Variants in FAM53A observed in about 807,000 individuals in gnomAD.
The protein encoded by FAM53A is family with sequence similarity 53 member A.
Under a neutral mutation model 26.6 loss-of-function variants are expected in FAM53A, and 28 were observed. The ratio of observed to expected loss-of-function variants is 1.05; its 90% CI spans 0.78 to 1.45. FAM53A has a LOEUF of 1.45. FAM53A is among the 40% of genes most tolerant of loss of function. The pLI, the probability that FAM53A is intolerant of heterozygous loss-of-function variation, is 0.00. For synonymous variants in FAM53A, 290 were observed against 253.1 expected (o/e 1.15, Z -1.38); for missense variants, 650 against 575.8 (o/e 1.13, Z -1.32).
chr4:1,654,129 C>T (rs1409826447), intron 4 of FAM53A, among the ~76,000 whole-genome samples: 2 of 152,228 alleles, frequency 1.3e-5, no homozygotes, highest in African/African-American at 4.8e-5. Flanking sequence ...CAGCCCCACT[C>T]GGCCCTGGCT....
chr4:1,660,798 A>G (rs1235194791), intron 2 of FAM53A, among the ~76,000 whole-genome samples: 2 of 151,536 alleles, frequency 1.3e-5, no homozygotes, highest in East Asian at 3.9e-4. Context: ...CCGAGGCAGG[A>G]GAATGGCGTG....
At chr4:1,654,957 C>T in intron 4 of FAM53A, 21 bp downstream of exon 4, 2 of 1,501,930 alleles carry the variant, frequency 1.3e-6, no homozygotes, top group Non-Finnish European at 1.8e-6. Flanking sequence ...CTCTGAGCCC[C>T]TGGAAATAAG....
chr4:1,668,203 G>C lies in FAM53A; in HGVS notation c.75+464C>G, dbSNP rs374320766. 6.5e-3 allele frequency among the ~76,000 whole-genome samples: 989 copies of C among 151,804 alleles called. 12 individuals carry two copies. Among genetic ancestry groups the C allele is most frequent in the African/African-American group, 0.022 (929 of 41,408 alleles). ...GTCCCAGGCTGGAGTGCAGTGGAGCGATCTCGGCTCACTGCAAGCTCCGCC... is the reference window on the plus strand; with the variant it reads ...GTCCCAGGCTGGAGTGCAGTGGAGCCATCTCGGCTCACTGCAAGCTCCGCC... On this transcript the variant is annotated intron_variant, in intron 2 of 4. Transcript: ENST00000308132.
chr4:1,612,905 C>T, the FAM53A span, among the ~76,000 whole-genome samples: 2 of 152,202 alleles, frequency 1.3e-5, no homozygotes, highest in Admixed American at 6.5e-5. Flanking sequence ...CACACACATG[C>T]CAACACACAC....
At chr4:1,645,812 C>T (rs903511372) in intron 4 of FAM53A, among the ~76,000 whole-genome samples, 10 of 152,222 alleles carry the variant, frequency 6.6e-5, no homozygotes, top group Non-Finnish European at 1.5e-4. Context: ...TCCAGATTTT[C>T]GGTCTGCGCC....
chr4:1,669,282 C>T (rs975953721), intron 1 of FAM53A, among the ~76,000 whole-genome samples: 2 of 152,238 alleles, frequency 1.3e-5, no homozygotes, highest in African/African-American at 2.4e-5. Context: ...TGACTACCCA[C>T]CCCCTTCTGC....
At chr4:1,660,361 C>A (rs1713738004) in intron 2 of FAM53A, among the ~76,000 whole-genome samples, 1 of 150,678 alleles carries the variant, frequency 6.6e-6, no homozygotes, top group South Asian at 2.1e-4. Flanking sequence ...ACTGTGGGGG[C>A]TGAGGTGGGA....
downstream of FAM53A, among the ~76,000 whole-genome samples, chr4:1,617,483 T>G (rs1344080021): frequency 6.6e-6 from 1 of 152,168 alleles, no homozygotes. Flanking sequence ...CATAAACATT[T>G]CCTTTACATT....
chr4:1,611,485 C>T, the FAM53A span, among the ~76,000 whole-genome samples: 1 of 152,332 alleles, frequency 6.6e-6, no homozygotes, highest in Admixed American at 6.5e-5. Flanking sequence ...CCTGCACTGG[C>T]CCAGCTGGCA....
At chr4:1,662,960 C>T (rs1308032103) in intron 2 of FAM53A, among the ~76,000 whole-genome samples, 1 of 152,042 alleles carries the variant, frequency 6.6e-6, no homozygotes, top group East Asian at 1.9e-4. Flanking sequence ...TCTGGGGGGC[C>T]GAGGCAGGCG....
At chr4:1,637,374 C>T (rs530401983), downstream of FAM53A, among the ~76,000 whole-genome samples, 5 of 152,312 alleles carry the variant, frequency 3.3e-5, no homozygotes, top group East Asian at 9.7e-4. Flanking sequence ...TCTTCAGAGG[C>T]TCTGGGCAGG....
chr4:1,585,006 C>A, the FAM53A span, among the ~76,000 whole-genome samples: 1 of 152,072 alleles, frequency 6.6e-6, no homozygotes. Context: ...TATATGTTTA[C>A]TATGTACAAG....
At chr4:1,574,780 T>C in the FAM53A span, among the ~76,000 whole-genome samples, 5 of 152,212 alleles carry the variant, frequency 3.3e-5, no homozygotes, top group South Asian at 4.1e-4. Context: ...GGACGGCAGG[T>C]GGTCAGCGGG....
At chr4:1,660,474 A>G (rs539820226) in intron 2 of FAM53A, among the ~76,000 whole-genome samples, 3 of 151,886 alleles carry the variant, frequency 2.0e-5, no homozygotes, top group African/African-American at 4.8e-5. Context: ...CTGTCATTCC[A>G]GCTACTCAAG....
At chr4:1,598,725 G>A in the FAM53A span, among the ~76,000 whole-genome samples, 6 of 152,100 alleles carry the variant, frequency 3.9e-5, no homozygotes, top group Admixed American at 2.6e-4. Context: ...TTAATTCCCC[G>A]ACACCTTTTA....
the FAM53A span, among the ~76,000 whole-genome samples, chr4:1,583,026 A>T: frequency 1.3e-5 from 2 of 152,326 alleles, no homozygotes; most frequent in East Asian, 3.9e-4. Context: ...CCTGGGTGAT[A>T]GGGCAAACTC....
chr4:1,601,450 CCT>C, the FAM53A span, among the ~76,000 whole-genome samples: 1 of 112,254 alleles, frequency 8.9e-6, no homozygotes, highest in African/African-American at 2.8e-5. Context: ...GGACCCGGCC[CCT>C]GTCATCCCAG....
intron 1 of FAM53A, among the ~76,000 whole-genome samples, chr4:1,680,897 G>T (rs1715389923): frequency 6.6e-6 from 1 of 152,136 alleles, no homozygotes; most frequent in Non-Finnish European, 1.5e-5. Flanking sequence ...TACTATAATG[G>T]TTGACAAAGG....
At chr4:1,590,954 GCATA>G in the FAM53A span, among the ~76,000 whole-genome samples, 1 of 23,666 alleles carries the variant, frequency 4.2e-5, no homozygotes, top group Non-Finnish European at 8.1e-5. Context: ...ATTATTTAAT[GCATA>G]TATATATATA....
Sources: gnomAD v4.1 joint callset for allele counts (sites outside exome capture counted in the v4.1 genomes callset) on GRCh38, gnomAD v4.1.1 for gene constraint, MANE v1.5 for transcripts, NCBI Gene and HGNC (gene_info 2026-07-23, HGNC 2026-07-21) for gene names.